The following CCSER2 variants were observed in gnomAD, a reference collection of about 807,000 sequenced individuals.
The protein encoded by CCSER2 is coiled-coil serine rich protein 2, also known as serine-rich coiled-coil domain-containing protein 2.
Under a neutral mutation model 92.3 loss-of-function variants are expected in CCSER2, and 46 were observed. That is an observed-to-expected ratio of 0.50 (90% CI 0.39 to 0.64). The LOEUF (loss-of-function observed/expected upper bound fraction) is 0.64, where lower values mean the gene tolerates loss of function less well. Among genes scored for constraint, CCSER2 ranks in the 30% least tolerant of loss-of-function variants. The pLI, the probability that CCSER2 is intolerant of heterozygous loss-of-function variation, is 0.00. For missense variants in CCSER2, 1,244 were observed against 1,238.9 expected, an observed-to-expected ratio of 1.00 and a Z score of -0.06; for synonymous variants, 433 against 431.4, an observed-to-expected ratio of 1.00 and a Z score of -0.04.
At chr10:84,496,566 T>G (rs1460267188) in intron 9 of CCSER2, among the ~76,000 whole-genome samples, 1 of 151,926 alleles carries the variant, frequency 6.6e-6, no homozygotes, top group Non-Finnish European at 1.5e-5. Context: ...ATTACAGGCA[T>G]GAGCCACCGC....
At chr10:84,486,790 T>C (rs1847835083) in intron 9 of CCSER2, among the ~76,000 whole-genome samples, 1 of 152,260 alleles carries the variant, frequency 6.6e-6, no homozygotes, top group African/African-American at 2.4e-5. Context: ...GCCATTGCTT[T>C]TGGTGTTTTA....
intron 3 of CCSER2, chr10:84,391,888 G>C: frequency 2.2e-6 from 3 of 1,359,628 alleles, no homozygotes; most frequent in Admixed American, 1.7e-5. Context: ...TTGTGATGCT[G>C]TTGCATCATG....
chr10:84,456,292 G>T (rs928818090), intron 6 of CCSER2, among the ~76,000 whole-genome samples: 1 of 152,146 alleles, frequency 6.6e-6, no homozygotes, highest in Admixed American at 6.6e-5. Flanking sequence ...GATATGAAAA[G>T]ATTATCATAT....
intron 3 of CCSER2, among the ~76,000 whole-genome samples, chr10:84,375,957 C>T (rs1846314175): frequency 6.6e-6 from 1 of 151,620 alleles, no homozygotes; most frequent in African/African-American, 2.4e-5. Flanking sequence ...CTCTGCAACA[C>T]TGCTTCTACC....
At chr10:84,365,696 A>C (rs1039677652) in intron 1 of CCSER2, among the ~76,000 whole-genome samples, 1 of 152,180 alleles carries the variant, frequency 6.6e-6, no homozygotes, top group East Asian at 1.9e-4. Context: ...AATACTGAAG[A>C]TGCTCTTGGG....
chr10:84,375,220 A>G (rs573731387), intron 3 of CCSER2, among the ~76,000 whole-genome samples: 75 of 152,308 alleles, frequency 4.9e-4, no homozygotes, highest in African/African-American at 1.7e-3. Context: ...AGATTTCAGA[A>G]TGCATCTGGA....
At position 84,370,999 on chromosome 10, in the gene CCSER2, T is replaced by G; in HGVS notation, c.-39-15T>G. On this transcript the variant is annotated splice_polypyrimidine_tract_variant and intron_variant, in intron 1 of 9. Coordinates refer to ENST00000372088, the MANE Select transcript of CCSER2 (RefSeq NM_001284240.2). The stretch of plus-strand genomic sequence containing the variant: ...ATTTAGGAATGTTTAATGTACTTCT[T>G]TTTTCTCTTCACAGATTCTTTCAAC... The G allele has an allele frequency of 2.6e-6, 3 of 1,173,276 alleles. No individual in the cohort carries two copies. Among genetic ancestry groups the G allele is most frequent in the Non-Finnish European group, 3.6e-6 (3 of 840,748 alleles). The allele number at this position is 1,173,276 out of a possible 1,614,324, so 72.7% of individuals were successfully genotyped here. A position where few individuals can be genotyped will look rare whatever the true frequency, so the allele number is the denominator to read the frequency against.
intron 3 of CCSER2, among the ~76,000 whole-genome samples, chr10:84,380,193 G>C (rs1028595474): frequency 6.6e-6 from 1 of 152,142 alleles, no homozygotes; most frequent in Non-Finnish European, 1.5e-5. Flanking sequence ...AGTCTGGTGA[G>C]TGTGAGATGA....
chr10:84,475,133 C>T (rs1023882272), intron 8 of CCSER2, among the ~76,000 whole-genome samples: 5 of 152,286 alleles, frequency 3.3e-5, no homozygotes, highest in Admixed American at 3.3e-4. Flanking sequence ...TTCTCAGATA[C>T]CCTAGACTTT....
chr10:84,470,441 C>G lies in CCSER2; in HGVS notation c.2218C>G (p.Leu740Val). 1 of 1,407,824 alleles carries G rather than the reference C, an allele frequency of 7.1e-7. No homozygotes were observed. The highest frequency in any genetic ancestry group is 9.5e-7 in the Non-Finnish European group (1 of 1,055,218). 87.2% of individuals were successfully genotyped at this position (1,407,824 alleles called of 1,614,324 possible). A position where few individuals can be genotyped will look rare whatever the true frequency, so the allele number is the denominator to read the frequency against. ...EIKKKDEKIQ[L>V]LELQLATQHI... is the part of the protein sequence containing the mutation. ...AAAGAAAAAAGATGAAAAGATCCAA[C>G]TATTAGAACTTCAGCTTGTAAGTAT... The change falls in exon 8 of 10, where the codon CTA (leucine) becomes GTA (valine). Residue 740 changes from leucine to valine, a missense_variant. Transcript: ENST00000372088.
At position 84,371,205 on chromosome 10, in the gene CCSER2, C is replaced by T. The variant is rs541534126; in HGVS notation, c.153C>T (p.Ile51=). The T allele has an allele frequency of 6.2e-7, 1 of 1,613,080 alleles. No homozygotes were observed. The highest frequency in any genetic ancestry group is 2.2e-5 in the East Asian group (1 of 44,840). Residue 51 remains isoleucine, a synonymous_variant, in exon 2 of 10, where the codon ATC becomes ATT. Coordinates refer to ENST00000372088, the MANE Select transcript of CCSER2 (RefSeq NM_001284240.2). ...TSKNSNVKSY[I]KNNGSDCPSS... ...AGAATAGTAATGTCAAAAGTTACAT[C>T]AAAAATAATGGCTCTGATTGTCCAT...
intron 5 of CCSER2, among the ~76,000 whole-genome samples, chr10:84,427,152 C>T (rs1843479258): frequency 6.6e-6 from 1 of 151,980 alleles, no homozygotes; most frequent in Non-Finnish European, 1.5e-5. Flanking sequence ...GTGATTCTTA[C>T]TGAGGAGGGA....
chr10:84,427,078 T>A (rs1035987059), intron 5 of CCSER2, among the ~76,000 whole-genome samples: 1 of 151,872 alleles, frequency 6.6e-6, no homozygotes. Context: ...TTCCAAAACA[T>A]ATGATCACAA....
At chr10:84,437,236 C>T (rs1844225261) in intron 5 of CCSER2, among the ~76,000 whole-genome samples, 2 of 151,834 alleles carry the variant, frequency 1.3e-5, no homozygotes, top group Admixed American at 6.6e-5. Flanking sequence ...TAGAAGTTCT[C>T]GGCCGGGCAT....
At chr10:84,330,727 CA>C (rs1843520459) in intron 1 of CCSER2, among the ~76,000 whole-genome samples, 2 of 152,088 alleles carry the variant, frequency 1.3e-5, no homozygotes, top group Admixed American at 1.3e-4. Flanking sequence ...AGACTGGTCT[CA>C]AACTCCTGAC....
At chr10:84,357,832 GTA>G (rs1845270957) in intron 1 of CCSER2, among the ~76,000 whole-genome samples, 1 of 152,176 alleles carries the variant, frequency 6.6e-6, no homozygotes, top group Non-Finnish European at 1.5e-5. Flanking sequence ...TGTGACAACT[GTA>G]TCCACAATAA....
chr10:84,413,015 T>C (rs1478750852), intron 3 of CCSER2, among the ~76,000 whole-genome samples: 2 of 152,206 alleles, frequency 1.3e-5, no homozygotes, highest in Non-Finnish European at 2.9e-5. Flanking sequence ...TCTGATTATG[T>C]TTCTTTGATT....
intron 1 of CCSER2, among the ~76,000 whole-genome samples, chr10:84,332,436 A>ATAT (rs1401635246): frequency 6.5e-4 from 36 of 55,214 alleles, no homozygotes; most frequent in African/African-American, 3.7e-3. Context: ...ATATATATAT[A>ATAT]TTTTTTTTTT....
intron 1 of CCSER2, among the ~76,000 whole-genome samples, chr10:84,370,606 T>C (rs1730424813): frequency 1.3e-5 from 2 of 152,136 alleles, no homozygotes; most frequent in South Asian, 4.1e-4. Context: ...ATGCCTTTTA[T>C]TTCATTCTCT....
Sources: gnomAD v4.1 joint callset for allele counts (sites outside exome capture counted in the v4.1 genomes callset) on GRCh38, gnomAD v4.1.1 for gene constraint, MANE v1.5 for transcripts, NCBI Gene and HGNC (gene_info 2026-07-23, HGNC 2026-07-21) for gene names.